Variants in PISD observed in about 807,000 individuals in gnomAD.
PISD encodes phosphatidylserine decarboxylase, also known as phosphatidylserine decarboxylase proenzyme, mitochondrial.
A neutral mutation model predicts 43.5 loss-of-function variants in PISD; 31 were observed. That is an observed-to-expected ratio of 0.71 (90% CI 0.54 to 0.96). The LOEUF (loss-of-function observed/expected upper bound fraction) is 0.96. Among genes scored for constraint, PISD ranks in the 40% least tolerant of loss-of-function variants. The pLI is 0.00. For missense variants in PISD, 523 were observed against 548.4 expected, an observed-to-expected ratio of 0.95 and a Z score of 0.46; for synonymous variants, 259 against 228.7, an observed-to-expected ratio of 1.13 and a Z score of -1.20.
intron 3 of PISD, chr22:31,632,263 C>T: frequency 2.0e-6 from 2 of 984,942 alleles, no homozygotes; most frequent in Non-Finnish European, 2.4e-6. Context: ...ATAGGGTCCT[C>T]CTCCATGGAT....
At chr22:31,645,673 C>T (rs1301789445) in intron 3 of PISD, among the ~76,000 whole-genome samples, 4 of 148,390 alleles carry the variant, frequency 2.7e-5, no homozygotes, top group Non-Finnish European at 6.0e-5. Flanking sequence ...CCACCGCGCC[C>T]GGCCAGTGAA....
chr22:31,639,645 A>AT (rs1300153756), intron 3 of PISD, among the ~76,000 whole-genome samples: 3 of 150,870 alleles, frequency 2.0e-5, no homozygotes, highest in Non-Finnish European at 4.4e-5. Context: ...TTGCTGAATG[A>AT]TTTTTTTTAT....
intron 3 of PISD, chr22:31,625,441 G>GTGGGGTGCAGAGGCAAGGGTC: frequency 8.3e-6 from 4 of 481,362 alleles, no homozygotes. Context: ...TCTCTCCTAG[G>GTGGGGTGCAGAGGCAAGGGTC]TGGGGTGCAG....
Position 31,619,588 on chromosome 22 carries a change from G to A in PISD, c.*24C>T, listed in dbSNP as rs749437346. ...CACTCTGTTTGGAAAAGATCCCTTA[G>A]CAGCCATAATCAGGAAAGAGACTCT... On this transcript the variant is annotated 3_prime_UTR_variant, in exon 8 of 8. Coordinates refer to ENST00000439502, the MANE Select transcript of PISD (RefSeq NM_001326411.2). 2.1e-5 allele frequency: 34 copies of A among 1,583,192 alleles called. No individual in the cohort carries two copies. The highest frequency in any genetic ancestry group is 3.0e-5 in the Non-Finnish European group (34 of 1,152,522).
intron 3 of PISD, among the ~76,000 whole-genome samples, chr22:31,636,696 C>T (rs962531886): frequency 2.0e-5 from 3 of 152,260 alleles, no homozygotes; most frequent in African/African-American, 7.2e-5. Flanking sequence ...CCCGCCACCA[C>T]GCCCGGCTAA....
In PISD at chr22:31,619,327, C is replaced by T; in HGVS notation, c.*285G>A. On this transcript the variant is annotated 3_prime_UTR_variant, in exon 8 of 8. Transcript: ENST00000439502. ...AGGAATGCAGGCTCTTCCGTCTATA[C>T]AGTGTTTAAAAAGATCCAAATGTGA... The T allele has an allele frequency of 6.5e-6, 3 of 458,418 alleles. No individual in the cohort carries two copies. Among genetic ancestry groups the T allele is most frequent in the Non-Finnish European group, 8.2e-6 (2 of 243,068 alleles). 28.4% of individuals were successfully genotyped at this position (458,418 alleles called of 1,614,324 possible).
At chr22:31,620,474 A>C in intron 7 of PISD, 79 bp downstream of exon 7, 1 of 1,431,696 alleles carries the variant, frequency 7.0e-7, no homozygotes, top group Non-Finnish European at 9.7e-7. Context: ...GTCCCAACGC[A>C]TCCGCCGCAC....
chr22:31,637,151 AAAAAAAAAAAAAAATAT>A (rs1263295119), intron 3 of PISD, among the ~76,000 whole-genome samples: 138 of 21,408 alleles, frequency 6.4e-3, no homozygotes, highest in Non-Finnish European at 8.7e-3. Flanking sequence ...ATTAAAAAAA[AAAAAAAAAAAAAAATAT>A]ATATATATAT....
chr22:31,620,586 G>A lies in PISD; in HGVS notation c.972C>T (p.Thr324=). ...AGTAGATGCGAATGGAGCCCACGTTGGTGGCCCCCACAGCTGTCAGTGAGA... is the reference window on the plus strand; with the variant it reads ...AGTAGATGCGAATGGAGCCCACGTTAGTGGCCCCCACAGCTGTCAGTGAGA... ...GFFSLTAVGA[T]NVGSIRIYFD... is the part of the protein sequence containing the mutation. Residue 324 remains threonine (T), a synonymous_variant, in exon 7 of 8, where the codon ACC becomes ACT. Coordinates refer to ENST00000439502, the MANE Select transcript of PISD (RefSeq NM_001326411.2). The A allele has an allele frequency of 1.2e-6, 2 of 1,614,220 alleles. No homozygotes were observed. Among genetic ancestry groups the A allele is most frequent in the Non-Finnish European group, 1.7e-6 (2 of 1,180,034 alleles).
chr22:31,642,179 G>T (rs2073753405), intron 3 of PISD, among the ~76,000 whole-genome samples: 1 of 151,310 alleles, frequency 6.6e-6, no homozygotes, highest in Admixed American at 6.6e-5. Flanking sequence ...AGAGCCAAGA[G>T]TGGCTCCAGG....
In PISD at chr22:31,650,894, T is replaced by C. The variant is rs932503632; in HGVS notation, c.66-116A>G. On this transcript the variant is annotated intron_variant, in intron 1 of 7. Transcript: ENST00000439502. ...ATTGTAGCAATGTAAATGTCTTGGT[T>C]TTGACAACTGTACTGTAGATAAGAA... is the stretch of plus-strand genomic sequence containing the variant. 1.3e-5 allele frequency: 8 copies of C among 622,044 alleles called. No individual in the cohort carries two copies. In the African/African-American group the frequency reaches 1.5e-4, roughly 11 times the overall value. 38.5% of individuals were successfully genotyped at this position (622,044 alleles called of 1,614,324 possible). A position where few individuals can be genotyped will look rare whatever the true frequency, so the allele number is the denominator to read the frequency against.
chr22:31,625,973 G>C (rs1456337096), intron 3 of PISD: 1 of 1,473,732 alleles, frequency 6.8e-7, no homozygotes. Flanking sequence ...CCTGGGTTTG[G>C]TTCAGTCTCG....
intron 1 of PISD, among the ~76,000 whole-genome samples, chr22:31,657,622 A>G (rs2074216472): frequency 6.6e-6 from 1 of 151,992 alleles, no homozygotes; most frequent in South Asian, 2.1e-4. Flanking sequence ...TCCCAGGTTC[A>G]AGGAATTCTC....
At position 31,621,800 on chromosome 22, in the gene PISD, C is replaced by T. The variant is rs768687189; in HGVS notation, c.407G>A (p.Arg136His). The T allele has an allele frequency of 5.6e-6, 9 of 1,613,644 alleles. No individual in the cohort carries two copies. The highest frequency in any genetic ancestry group is 2.2e-5 in the East Asian group (1 of 44,890). ...LNQVELPHWL[R>H]RPVYSLYIWT... is the part of the protein sequence containing the mutation. ...GATGTACAGGCTGTAGACGGGCCTG[C>T]GCAGCCAGTGTGGCAGCTCCACCTG... Residue 136 changes from arginine to histidine, a missense_variant, in exon 4 of 8, where the codon CGC becomes CAC. Physicochemically the swap from Arg to His is conservative, Grantham distance 29. Transcript: ENST00000439502.
At position 31,619,832 on chromosome 22, in the gene PISD, A is replaced by G; in HGVS notation, c.1010T>C (p.Leu337Pro). The G allele has an allele frequency of 6.2e-7, 1 of 1,612,396 alleles. No homozygotes were observed. The highest frequency in any genetic ancestry group is 8.5e-7 in the Non-Finnish European group (1 of 1,178,706). Residue 337 changes from leucine (L) to proline (P), a missense_variant, in exon 8 of 8, where the codon CTG becomes CCG. Coordinates refer to ENST00000439502, the MANE Select transcript of PISD (RefSeq NM_001326411.2). ...GSIRIYFDRDLHTNSPRHSKG... is the reference protein window; with the variant it reads ...GSIRIYFDRDPHTNSPRHSKG... Reference sequence around the variant, plus strand: ...GCTGTGCCTTGGGCTGTTTGTGTGCAGGTCCTGTGGTGATAGGCTGGGGGT... The same window carrying G: ...GCTGTGCCTTGGGCTGTTTGTGTGCGGGTCCTGTGGTGATAGGCTGGGGGT...
chr22:31,659,196 T>TATAG (rs2074256032), intron 1 of PISD, among the ~76,000 whole-genome samples: 1 of 152,152 alleles, frequency 6.6e-6, no homozygotes, highest in African/African-American at 2.4e-5. Context: ...ACATTTTGCC[T>TATAG]ATAGTCCTTA....
At chr22:31,636,308 T>C (rs188561298) in intron 3 of PISD, among the ~76,000 whole-genome samples, 414 of 152,250 alleles carry the variant, frequency 2.7e-3, no homozygotes, top group Non-Finnish European at 4.4e-3. Context: ...AAACGGAGGC[T>C]AGAAACAAGG....
chr22:31,618,733 C>T lies in PISD; in HGVS notation c.*879G>A, dbSNP rs1044085. 22,592 of 256,014 alleles carry T rather than the reference C, an allele frequency of 0.088. 1,719 individuals carry two copies. The highest frequency in any genetic ancestry group is 0.34 in the East Asian group (4,510 of 13,300). The allele number at this position is 256,014 out of a possible 1,614,324, so 15.9% of individuals were successfully genotyped here. On this transcript the variant is annotated 3_prime_UTR_variant, in exon 8 of 8. Transcript: ENST00000439502. The stretch of plus-strand genomic sequence containing the variant: ...TAAACTGGGACAGGTTTTCCAGGCA[C>T]TGACCAACTATCCACCAAGGGTCCT...
In PISD at chr22:31,630,877, G is replaced by A. The variant is rs1389335415; in HGVS notation, c.322-8992C>T. 8 of 985,128 alleles carry A rather than the reference G, an allele frequency of 8.1e-6. No homozygotes were observed. The highest frequency in any genetic ancestry group is 4.7e-5 in the South Asian group (1 of 21,292). 61.0% of individuals were successfully genotyped at this position (985,128 alleles called of 1,614,324 possible). Reference sequence around the variant, plus strand: ...GGAGCCGGGAAGCCTTGGGGCGAGTGGGCGGGGCTCGGGCTCCAGCCACTC... The same window carrying A: ...GGAGCCGGGAAGCCTTGGGGCGAGTAGGCGGGGCTCGGGCTCCAGCCACTC... On this transcript the variant is annotated intron_variant, in intron 3 of 7. Transcript: ENST00000439502. This position sits in a 1 kb window ranked among gnomAD's most constrained non-coding sequence, Gnocchi z 4.4.
Sources: gnomAD v4.1 joint callset for allele counts (sites outside exome capture counted in the v4.1 genomes callset) on GRCh38, gnomAD v4.1.1 for gene constraint, Gnocchi (gnomAD v3.1) non-coding constraint, MANE v1.5 for transcripts, NCBI Gene and HGNC (gene_info 2026-07-23, HGNC 2026-07-21) for gene names.